THRAP3: variants seen among roughly 807,000 people sequenced by gnomAD.
THRAP3 encodes thyroid hormone receptor-associated protein 3.
Under a neutral mutation model 101.0 loss-of-function variants are expected in THRAP3, and 16 were observed. The observed-to-expected ratio is 0.16, with a 90% CI of 0.11 to 0.24. THRAP3 has a LOEUF of 0.24. THRAP3 is among the 10% of genes least tolerant of loss of function. The pLI is 1.00. For synonymous variants in THRAP3, 407 were observed against 422.6 expected (o/e 0.96, Z 0.45); for missense variants, 989 against 1,202.7 (o/e 0.82, Z 2.63).
intron 2 of THRAP3, among the ~76,000 whole-genome samples, chr1:36,267,370 T>G (rs1645529336): frequency 6.6e-6 from 1 of 152,178 alleles, no homozygotes; most frequent in Non-Finnish European, 1.5e-5. Flanking sequence ...TTTTTAAGTT[T>G]TTTTGTCAGC....
intron 9 of THRAP3, among the ~76,000 whole-genome samples, chr1:36,297,266 G>A (rs1317546803): frequency 6.6e-6 from 1 of 152,124 alleles, no homozygotes; most frequent in Admixed American, 6.5e-5. Flanking sequence ...CTTAAACAAA[G>A]GTGGCATTGT....
chr1:36,273,367 G>C (rs1219828179), intron 2 of THRAP3, among the ~76,000 whole-genome samples: 3 of 152,200 alleles, frequency 2.0e-5, no homozygotes, highest in African/African-American at 7.2e-5. Context: ...ACACATTTCA[G>C]TGAAGTCCAG....
chr1:36,287,420 C>G (rs1570329875), intron 4 of THRAP3, 150 bp downstream of exon 4: 2 of 1,390,390 alleles, frequency 1.4e-6, no homozygotes, highest in Non-Finnish European at 1.9e-6. Flanking sequence ...AAAGCATCAC[C>G]CAAGGAAACC....
chr1:36,253,475 T>C (rs1355423031), intron 1 of THRAP3, among the ~76,000 whole-genome samples: 5 of 152,202 alleles, frequency 3.3e-5, no homozygotes, highest in Non-Finnish European at 5.9e-5. Context: ...TGTTCAACTT[T>C]TGACAGTATG....
At chr1:36,269,505 C>T (rs978258893) in intron 2 of THRAP3, among the ~76,000 whole-genome samples, 1 of 152,102 alleles carries the variant, frequency 6.6e-6, no homozygotes, top group African/African-American at 2.4e-5. Flanking sequence ...TAAGGTTGTA[C>T]TTTGGAGTTT....
rs974793110 is a variant in THRAP3 at position 36,293,727 on chromosome 1, A to G, written c.2031-124A>G. ...ATATAAGAGTAAAAGTAATAGATAC[A>G]TAAGTCATGAAACGTAAGGAAAAAT... On this transcript the variant is annotated intron_variant, in intron 7 of 11. Coordinates refer to ENST00000354618, the MANE Select transcript of THRAP3 (RefSeq NM_005119.4). 6.4e-5 allele frequency: 47 copies of G among 737,498 alleles called. No homozygotes were observed. In the East Asian group the frequency reaches 1.0e-3, roughly 16 times the overall value. The allele number at this position is 737,498 out of a possible 1,614,324, so 45.7% of individuals were successfully genotyped here.
chr1:36,256,330 A>G (rs1409080357), intron 1 of THRAP3, among the ~76,000 whole-genome samples: 1 of 151,694 alleles, frequency 6.6e-6, no homozygotes, highest in African/African-American at 2.4e-5. Context: ...GGTTCACGCC[A>G]TTCTCCTGCC....
chr1:36,263,513 G>T (rs2124505242), intron 2 of THRAP3, among the ~76,000 whole-genome samples: 1 of 152,266 alleles, frequency 6.6e-6, no homozygotes. Flanking sequence ...AGTTAATATA[G>T]ATTATAGTGT....
intron 6 of THRAP3, 52 bp downstream of exon 6, chr1:36,291,598 G>A (rs747514125): frequency 6.3e-7 from 1 of 1,583,342 alleles, no homozygotes; most frequent in South Asian, 1.1e-5. Flanking sequence ...CTTAGAAGAA[G>A]GATGAATGAT....
At chr1:36,277,211 TG>T (rs1171481951) in intron 2 of THRAP3, among the ~76,000 whole-genome samples, 6 of 151,420 alleles carry the variant, frequency 4.0e-5, no homozygotes, top group African/African-American at 1.5e-4. Context: ...TCAGGAGATC[TG>T]CCCACCTCTG....
chr1:36,226,192 A>C (rs1644959794), intron 1 of THRAP3, among the ~76,000 whole-genome samples: 1 of 152,188 alleles, frequency 6.6e-6, no homozygotes, highest in South Asian at 2.1e-4. Context: ...GAAGCTTGGA[A>C]TATTTCTGAG....
intron 9 of THRAP3, among the ~76,000 whole-genome samples, chr1:36,298,275 T>C (rs771299783): frequency 6.6e-6 from 1 of 151,732 alleles, no homozygotes; most frequent in Non-Finnish European, 1.5e-5. Flanking sequence ...GGGCCGCCCA[T>C]AGATAAAGAA....
At chr1:36,244,054 CTGG>C (rs1645202255) in intron 1 of THRAP3, among the ~76,000 whole-genome samples, 1 of 141,440 alleles carries the variant, frequency 7.1e-6, no homozygotes, top group East Asian at 2.2e-4. Context: ...GACGGGGCGG[CTGG>C]CCGGGCAGAG....
intron 1 of THRAP3, among the ~76,000 whole-genome samples, chr1:36,247,253 G>T (rs1343906696): frequency 6.6e-6 from 1 of 151,806 alleles, no homozygotes; most frequent in Non-Finnish European, 1.5e-5. Context: ...GGAGGCACAG[G>T]TTGCAGTGAG....
intron 1 of THRAP3, among the ~76,000 whole-genome samples, chr1:36,250,621 T>C (rs1046745891): frequency 4.6e-5 from 7 of 151,836 alleles, no homozygotes; most frequent in African/African-American, 7.2e-5. Flanking sequence ...TAAAAAAATA[T>C]ACCTTAGAGG....
chr1:36,297,434 G>A (rs1645966895), intron 9 of THRAP3, among the ~76,000 whole-genome samples: 1 of 150,312 alleles, frequency 6.7e-6, no homozygotes, highest in Non-Finnish European at 1.5e-5. Context: ...TTGAACTTTA[G>A]CTGGCAAGCA....
rs895576760 is a variant in THRAP3 at position 36,241,458 on chromosome 1, C to T, written c.-135+16953C>T. 2.7e-5 allele frequency among the ~76,000 whole-genome samples: 4 copies of T among 145,566 alleles called. No homozygotes were observed. In the South Asian group the frequency reaches 8.5e-4, roughly 31 times the overall value. ...ATATATAAATAAATATATATTCTTA[C>T]AAATGTCCAGGTCATGTTTACCAGC... On this transcript the variant is annotated intron_variant, in intron 1 of 11. Transcript: ENST00000354618.
chr1:36,215,852 T>C, the THRAP3 span, among the ~76,000 whole-genome samples: 1 of 151,616 alleles, frequency 6.6e-6, no homozygotes, highest in African/African-American at 2.4e-5. Flanking sequence ...CGGGTTCAAG[T>C]GATTCTCCTG....
At chr1:36,221,806 G>C (rs996456642), upstream of THRAP3, among the ~76,000 whole-genome samples, 3 of 149,938 alleles carry the variant, frequency 2.0e-5, no homozygotes, top group Non-Finnish European at 1.5e-5. Flanking sequence ...GGCTGGTCTT[G>C]AACTTTTTTT....
Sources: gnomAD v4.1 joint callset for allele counts (sites outside exome capture counted in the v4.1 genomes callset) on GRCh38, gnomAD v4.1.1 for gene constraint, MANE v1.5 for transcripts, NCBI Gene and HGNC (gene_info 2026-07-23, HGNC 2026-07-21) for gene names.